Variants in SHISA9 observed in about 807,000 individuals in gnomAD.
SHISA9 encodes the protein shisa family member 9.
A neutral mutation model predicts 38.0 loss-of-function variants in SHISA9; 13 were observed. That is an observed-to-expected ratio of 0.34 (90% CI 0.22 to 0.54). The LOEUF is 0.54. Among genes scored for constraint, SHISA9 ranks in the 20% least tolerant of loss-of-function variants. The pLI is 0.91. For missense variants in SHISA9, 538 were observed against 575.8 expected (o/e 0.93, Z 0.67); for synonymous variants, 275 against 242.0 (o/e 1.14, Z -1.27).
the SHISA9 span, among the ~76,000 whole-genome samples, chr16:13,370,550 CCTT>C: frequency 1.3e-5 from 2 of 152,158 alleles, no homozygotes; most frequent in African/African-American, 4.8e-5. Context: ...GCTGAGTGGA[CCTT>C]CTTCTGAGCA....
chr16:13,411,029 C>G, the SHISA9 span, among the ~76,000 whole-genome samples: 4 of 152,058 alleles, frequency 2.6e-5, no homozygotes, highest in African/African-American at 9.7e-5. Flanking sequence ...TACCAGAGTT[C>G]TTCTAGGTGA....
chr16:13,499,095 G>A, the SHISA9 span, among the ~76,000 whole-genome samples: 3 of 152,194 alleles, frequency 2.0e-5, no homozygotes, highest in Non-Finnish European at 2.9e-5. Flanking sequence ...CTGGGGTACA[G>A]TATCAGAGAA....
At chr16:13,389,283 A>G in the SHISA9 span, among the ~76,000 whole-genome samples, 30 of 152,132 alleles carry the variant, frequency 2.0e-4, no homozygotes, top group Non-Finnish European at 4.0e-4. Flanking sequence ...CTGTAGTTTT[A>G]CCTTTCCCAG....
At chr16:13,053,531 C>A (rs923743330) in intron 2 of SHISA9, among the ~76,000 whole-genome samples, 2 of 152,210 alleles carry the variant, frequency 1.3e-5, no homozygotes, top group Middle Eastern at 3.2e-3. Context: ...TTATGGTGCC[C>A]TTCCAGAGTT....
At chr16:13,310,977 C>T in the SHISA9 span, among the ~76,000 whole-genome samples, 1 of 152,012 alleles carries the variant, frequency 6.6e-6, no homozygotes, top group Non-Finnish European at 1.5e-5. Context: ...CCACCACACC[C>T]GGCCTGATTT....
chr16:13,094,581 T>A (rs78233338), intron 2 of SHISA9, among the ~76,000 whole-genome samples: 6,893 of 152,246 alleles, frequency 0.045, 317 homozygotes, highest in Admixed American at 0.14. Flanking sequence ...TTTAATTCCA[T>A]TTTGTCTCAG....
At chr16:13,311,021 C>T in the SHISA9 span, among the ~76,000 whole-genome samples, 1 of 152,026 alleles carries the variant, frequency 6.6e-6, no homozygotes, top group Non-Finnish European at 1.5e-5. Flanking sequence ...TACTGAAGGA[C>T]TATCTTCTAA....
chr16:13,438,381 G>T, the SHISA9 span, among the ~76,000 whole-genome samples: 2 of 152,034 alleles, frequency 1.3e-5, no homozygotes, highest in African/African-American at 4.8e-5. Context: ...GTATCACAGA[G>T]ACCTAACAGC....
the SHISA9 span, among the ~76,000 whole-genome samples, chr16:13,496,629 C>T: frequency 6.6e-6 from 1 of 151,586 alleles, no homozygotes; most frequent in Non-Finnish European, 1.5e-5. Flanking sequence ...TACTTAGAAA[C>T]AAAATGAGCT....
At chr16:13,366,741 G>A in the SHISA9 span, among the ~76,000 whole-genome samples, 124,110 of 151,582 alleles carry the variant, frequency 0.82, 50,930 homozygotes, top group East Asian at 0.96. Context: ...TTATCCCAGC[G>A]CTTTGGGAGG....
intron 2 of SHISA9, among the ~76,000 whole-genome samples, chr16:13,039,175 C>T (rs1009724055): frequency 2.0e-5 from 3 of 152,156 alleles, no homozygotes; most frequent in Admixed American, 2.0e-4. Flanking sequence ...TCCCAAACTG[C>T]TGGGATTACA....
Position 12,902,681 on chromosome 16 carries a change from C to T in SHISA9, c.563+54C>T, listed in dbSNP as rs540749875. The T allele has an allele frequency of 3.2e-4, 469 of 1,450,506 alleles. 1 individual carries two copies. In the African/African-American group the frequency reaches 5.6e-3, roughly 17 times the overall value. The allele number at this position is 1,450,506 out of a possible 1,614,324, so 89.9% of individuals were successfully genotyped here. On this transcript the variant is annotated intron_variant, in intron 1 of 4. Coordinates refer to ENST00000558583, the MANE Select transcript of SHISA9 (RefSeq NM_001145204.3). ...CGGGGCTTCGCTCTCCCTGCTCTCTCCTCCCCACCTTCCCCCAGGCAATGG... is the reference window on the plus strand; with the variant it reads ...CGGGGCTTCGCTCTCCCTGCTCTCTTCTCCCCACCTTCCCCCAGGCAATGG...
chr16:13,418,642 T>C, the SHISA9 span, among the ~76,000 whole-genome samples: 3 of 152,128 alleles, frequency 2.0e-5, no homozygotes, highest in African/African-American at 4.8e-5. Flanking sequence ...GGAGCTCTGA[T>C]GATGTGGGGC....
chr16:13,062,729 A>G (rs1040277814), intron 2 of SHISA9, among the ~76,000 whole-genome samples: 9 of 152,234 alleles, frequency 5.9e-5, no homozygotes, highest in Non-Finnish European at 8.8e-5. Context: ...CTGATTTTGC[A>G]TTTATTTAAA....
intron 2 of SHISA9, among the ~76,000 whole-genome samples, chr16:13,022,069 G>C (rs1361848104): frequency 6.6e-6 from 1 of 152,166 alleles, no homozygotes; most frequent in South Asian, 2.1e-4. Flanking sequence ...TCCTGGGCTT[G>C]TGGGTGCATA....
the SHISA9 span, among the ~76,000 whole-genome samples, chr16:13,258,147 A>C: frequency 2.0e-5 from 3 of 152,142 alleles, no homozygotes; most frequent in Non-Finnish European, 2.9e-5. Flanking sequence ...TCCCTCCCCT[A>C]CAACTCCATT....
the SHISA9 span, among the ~76,000 whole-genome samples, chr16:13,447,298 C>A: frequency 6.6e-6 from 1 of 152,108 alleles, no homozygotes; most frequent in South Asian, 2.1e-4. Flanking sequence ...CAGGGGGGTT[C>A]CTAAGTCTAG....
At chr16:13,099,287 A>AC (rs1596647490) in intron 2 of SHISA9, among the ~76,000 whole-genome samples, 2 of 141,112 alleles carry the variant, frequency 1.4e-5, no homozygotes, top group East Asian at 2.0e-4. Context: ...GAAAAAATGA[A>AC]CAACACACAC....
the SHISA9 span, among the ~76,000 whole-genome samples, chr16:13,380,139 C>G: frequency 1.3e-5 from 2 of 151,308 alleles, no homozygotes; most frequent in Non-Finnish European, 2.9e-5. Context: ...TCAAGATGTC[C>G]AGTATTTTCA....
Sources: gnomAD v4.1 joint callset for allele counts (sites outside exome capture counted in the v4.1 genomes callset) on GRCh38, gnomAD v4.1.1 for gene constraint, MANE v1.5 for transcripts, NCBI Gene and HGNC (gene_info 2026-07-23, HGNC 2026-07-21) for gene names.